Variants in SUSD1 observed in about 807,000 individuals in gnomAD.
The protein encoded by SUSD1 is sushi domain containing 1, also known as sushi domain-containing protein 1.
Under a neutral mutation model 86.9 loss-of-function variants are expected in SUSD1, and 65 were observed. The observed-to-expected ratio is 0.75, with a 90% confidence interval of 0.61 to 0.92. The LOEUF (loss-of-function observed/expected upper bound fraction) is 0.92, where lower values mean the gene tolerates loss of function less well. Among genes scored for constraint, SUSD1 ranks in the 40% least tolerant of loss-of-function variants. SUSD1 has a pLI of 0.00. For missense variants in SUSD1, 850 were observed against 929.7 expected (o/e 0.91, Z 1.11); for synonymous variants, 346 against 350.0 (o/e 0.99, Z 0.13).
At chr9:112,153,206 G>A (rs1378200980) in intron 2 of SUSD1, among the ~76,000 whole-genome samples, 3 of 151,736 alleles carry the variant, frequency 2.0e-5, no homozygotes, top group Non-Finnish European at 4.4e-5. Context: ...GGCTGAGGCT[G>A]TAGTGGGCCG....
At position 112,124,632 on chromosome 9, in the gene SUSD1, T is replaced by C. The variant is rs1258008516; in HGVS notation, c.707-196A>G. Among the ~76,000 whole-genome samples, 5 of 152,308 alleles carry C rather than the reference T, an allele frequency of 3.3e-5. No homozygotes were observed. The East Asian group carries it at 5.8e-4, about 18-fold the overall frequency. ...CCAAACATGCACACATAGAGAATAG[T>C]CAAACTATGCAATTATTTACTTATA... On this transcript the variant is annotated intron_variant, in intron 5 of 16. Transcript: ENST00000374270.
intron 12 of SUSD1, among the ~76,000 whole-genome samples, chr9:112,074,203 G>A (rs572865672): frequency 6.6e-6 from 1 of 152,118 alleles, no homozygotes; most frequent in African/African-American, 2.4e-5. Flanking sequence ...GTGACAGAGC[G>A]AAATTCTGTC....
intron 5 of SUSD1, among the ~76,000 whole-genome samples, chr9:112,129,799 AC>A (rs1320904094): frequency 6.6e-6 from 1 of 152,228 alleles, no homozygotes; most frequent in Non-Finnish European, 1.5e-5. Flanking sequence ...TATGTTTTAC[AC>A]CGTTGTTCAT....
intron 8 of SUSD1, among the ~76,000 whole-genome samples, chr9:112,106,310 T>C (rs1207836668): frequency 6.6e-6 from 1 of 152,072 alleles, no homozygotes; most frequent in East Asian, 1.9e-4. Context: ...ACCTTCTAAC[T>C]CTTCTTTCAA....
chr9:112,142,463 C>A lies in SUSD1; in HGVS notation c.563G>T (p.Gly188Val), dbSNP rs1209320326. ...AGACGTATAATTTCCTATGATATAG[C>A]CATCTGGAACCTCAGGAGGGGTACC... The part of the protein sequence containing the change: ...DCGTPPEVPD[G>V]YIIGNYTSSL... Residue 188 changes from glycine to valine, a missense_variant, in exon 5 of 17, where the codon GGC (glycine) becomes GTC (valine). Physicochemically the swap from Gly to Val is moderately radical, Grantham distance 109. Transcript: ENST00000374270. The A allele has an allele frequency of 1.2e-6, 2 of 1,613,444 alleles. No homozygotes were observed. The highest frequency in any genetic ancestry group is 1.7e-6 in the Non-Finnish European group (2 of 1,179,924).
At chr9:112,056,557 C>T (rs942709585) in intron 14 of SUSD1, among the ~76,000 whole-genome samples, 4 of 152,188 alleles carry the variant, frequency 2.6e-5, no homozygotes, top group East Asian at 1.9e-4. Context: ...GGAAAGTCAT[C>T]GCAATTTAAA....
rs1055445161 is a variant in SUSD1 at position 112,113,294 on chromosome 9, C to T, written c.887-426G>A. ...GATGGGAAACTCCTTCAAGTCACTG[C>T]TATCCCCAGGGGGAAAATGACATGT... is the stretch of plus-strand genomic sequence containing the variant. On this transcript the variant is annotated intron_variant, in intron 6 of 16. Transcript: ENST00000374270. This position sits in a 1 kb window ranked among gnomAD's most constrained non-coding sequence, Gnocchi z 4.1. Among the ~76,000 whole-genome samples, 9 of 152,200 alleles carry T rather than the reference C, an allele frequency of 5.9e-5. No homozygotes were observed. The highest frequency in any genetic ancestry group is 5.9e-5 in the Non-Finnish European group (4 of 68,032).
At chr9:112,090,265 G>A (rs1472401524) in intron 10 of SUSD1, among the ~76,000 whole-genome samples, 3 of 152,090 alleles carry the variant, frequency 2.0e-5, no homozygotes, top group African/African-American at 7.2e-5. Flanking sequence ...GACGAAATAG[G>A]TAATTCCTTG....
At chr9:112,051,548 C>T (rs1263463696) in intron 15 of SUSD1, among the ~76,000 whole-genome samples, 7 of 151,420 alleles carry the variant, frequency 4.6e-5, no homozygotes, top group African/African-American at 1.5e-4. Flanking sequence ...TCTCCTGCCT[C>T]AGCCTCCCGA....
intron 10 of SUSD1, among the ~76,000 whole-genome samples, chr9:112,095,228 A>G (rs552993382): frequency 3.9e-4 from 59 of 152,236 alleles, no homozygotes; most frequent in Non-Finnish European, 5.6e-4. Flanking sequence ...TCTGAAAACA[A>G]AAAGCAAATA....
At chr9:112,101,064 A>T (rs138252734) in intron 9 of SUSD1, among the ~76,000 whole-genome samples, 1 of 152,040 alleles carries the variant, frequency 6.6e-6, no homozygotes, top group Non-Finnish European at 1.5e-5. Flanking sequence ...TAAATAGAAT[A>T]AATTAATTAA....
At chr9:112,146,277 T>C (rs1251350767) in intron 3 of SUSD1, 2 of 152,230 alleles carry the variant, frequency 1.3e-5, no homozygotes, top group Non-Finnish European at 2.9e-5. Context: ...CCAGTGGACA[T>C]GGTCTTCATG....
chr9:112,112,659 A>G, intron 7 of SUSD1, 112 bp downstream of exon 7: 3 of 705,616 alleles, frequency 4.3e-6, no homozygotes, highest in Non-Finnish European at 7.2e-6. Context: ...GAAAAAAAGA[A>G]AAAAAAACAG....
chr9:112,147,133 G>C (rs1349977974), intron 3 of SUSD1, among the ~76,000 whole-genome samples: 2 of 152,172 alleles, frequency 1.3e-5, no homozygotes, highest in Admixed American at 6.6e-5. Flanking sequence ...AATGCTGTTT[G>C]CTTACCTATG....
At chr9:112,057,934 C>G (rs938009428) in intron 14 of SUSD1, among the ~76,000 whole-genome samples, 1 of 152,158 alleles carries the variant, frequency 6.6e-6, no homozygotes, top group Admixed American at 6.5e-5. Context: ...TTGAGTTCCA[C>G]GTCTCAGGAA....
intron 1 of SUSD1, among the ~76,000 whole-genome samples, chr9:112,172,600 C>G (rs576375472): frequency 2.0e-5 from 3 of 152,316 alleles, no homozygotes; most frequent in African/African-American, 7.2e-5. Flanking sequence ...AACTAATCAT[C>G]TTTCTTTCCA....
rs1281347857 is a variant in SUSD1 at position 112,168,015 on chromosome 9, A to ATGATTG, written c.103+7112_103+7117dup. ...GAACAGTATGGGGGAAACCTCCCCC[A>ATGATTG]TGATTGAATCATCTCTCCCTGGGTC... On this transcript the variant is annotated intron_variant, in intron 1 of 16. Transcript: ENST00000374270. 2.0e-5 allele frequency among the ~76,000 whole-genome samples: 3 copies of ATGATTG among 152,340 alleles called. No homozygotes were observed. The East Asian group carries it at 5.8e-4, about 29-fold the overall frequency.
intron 6 of SUSD1, among the ~76,000 whole-genome samples, chr9:112,118,513 C>A (rs148052590): frequency 1.3e-5 from 2 of 152,246 alleles, no homozygotes; most frequent in East Asian, 3.9e-4. Flanking sequence ...GAGACGGAGT[C>A]TTGCGCTGTA....
At position 112,124,876 on chromosome 9, in the gene SUSD1, C is replaced by A. The variant is rs189991552; in HGVS notation, c.707-440G>T. On this transcript the variant is annotated intron_variant, in intron 5 of 16. Coordinates refer to ENST00000374270, the MANE Select transcript of SUSD1 (RefSeq NM_022486.5). ...AGAAAGTATTTATCTCCTAAGGATTCAACTTATATGCATCTTTCAAAGAAA... is the reference window on the plus strand; with the variant it reads ...AGAAAGTATTTATCTCCTAAGGATTAAACTTATATGCATCTTTCAAAGAAA... 4.1e-3 allele frequency among the ~76,000 whole-genome samples: 618 copies of A among 152,224 alleles called. 4 individuals are homozygous for A. Among genetic ancestry groups the A allele is most frequent in the Non-Finnish European group, 6.6e-3 (448 of 68,014 alleles).
Sources: gnomAD v4.1 joint callset for allele counts (sites outside exome capture counted in the v4.1 genomes callset) on GRCh38, gnomAD v4.1.1 for gene constraint, Gnocchi (gnomAD v3.1) non-coding constraint, MANE v1.5 for transcripts, NCBI Gene and HGNC (gene_info 2026-07-23, HGNC 2026-07-21) for gene names.